The following BRPF1 variants were observed in gnomAD, a reference collection of about 807,000 sequenced individuals.
BRPF1 encodes the protein peregrin.
A neutral mutation model predicts 115.0 loss-of-function variants in BRPF1; 15 were observed. The observed-to-expected ratio is 0.13, with a 90% CI of 0.09 to 0.20. BRPF1 has a LOEUF of 0.20. Among genes scored for constraint, BRPF1 ranks in the 10% least tolerant of loss-of-function variants. The pLI, the probability that BRPF1 is intolerant of heterozygous loss-of-function variation, is 1.00. For synonymous variants in BRPF1, 647 were observed against 619.8 expected, an observed-to-expected ratio of 1.04 and a Z score of -0.65; for missense variants, 1,118 against 1,638.3, an observed-to-expected ratio of 0.68 and a Z score of 5.48.
At chr3:9,746,562 A>C in intron 13 of BRPF1, 108 bp downstream of exon 13, 2 of 1,328,022 alleles carry the variant, frequency 1.5e-6, no homozygotes. Context: ...GGCTATCACA[A>C]GTCAGTGGGG....
At chr3:9,740,062 G>A (rs780187159) in intron 3 of BRPF1, 104 bp downstream of exon 3, 6 of 1,435,048 alleles carry the variant, frequency 4.2e-6, no homozygotes, top group Non-Finnish European at 5.5e-6. Context: ...TATCTTCCCA[G>A]GAGCTGCATA....
chr3:9,734,231 G>A lies in BRPF1; in HGVS notation c.91G>A (p.Val31Ile). The change falls in exon 2 of 14, where the codon GTC (valine) becomes ATC (isoleucine). Residue 31 changes from valine (V) to isoleucine (I), a missense_variant. Physicochemically the swap from Val to Ile is conservative, Grantham distance 29 (BLOSUM62 3). Around this residue, in one of 10 missense-constraint regions of BRPF1, gnomAD observed 280 missense variants for 382.8 expected, o/e 0.73. Transcript: ENST00000383829. This position sits in a 1 kb window ranked among gnomAD's most constrained non-coding sequence, Gnocchi z 5.7. The part of the protein sequence containing the change: ...YECPVETCRK[V>I]YKSYSGIEYH... ...GTGCCCGGTGGAGACCTGCCGAAAG[G>A]TCTACAAGAGTTACAGTGGTATTGA... 1 of 1,613,996 alleles carries A rather than the reference G, an allele frequency of 6.2e-7. No individual in the cohort carries two copies. The highest frequency in any genetic ancestry group is 2.2e-5 in the East Asian group (1 of 44,880).
At chr3:9,736,046 C>CTAT (rs763386677) in intron 2 of BRPF1, among the ~76,000 whole-genome samples, 141,044 of 141,072 alleles carry the variant, frequency 1, 70,508 homozygotes, top group Admixed American at 1. Flanking sequence ...GAGTCTCGCT[C>CTAT]TGTCACCCAG....
Position 9,747,474 on chromosome 3 carries a change from A to C in BRPF1, c.*125A>C, listed in dbSNP as rs531494855. The C allele has an allele frequency of 3.2e-6, 4 of 1,242,136 alleles. No homozygotes were observed. The Admixed American group carries it at 8.8e-5, about 27-fold the overall frequency. 76.9% of individuals were successfully genotyped at this position (1,242,136 alleles called of 1,614,324 possible). On this transcript the variant is annotated 3_prime_UTR_variant, in exon 14 of 14. Coordinates refer to ENST00000383829, the MANE Select transcript of BRPF1 (RefSeq NM_001003694.2). This position sits in a 1 kb window ranked among gnomAD's most constrained non-coding sequence, Gnocchi z 5.6. ...TGGTCTTGGGGCCAGTCTCAGGGGA[A>C]GCTGGGTGGGGGAGGTCCCTCCTGC...
chr3:9,742,182 C>T lies in BRPF1; in HGVS notation c.2001+11C>T, dbSNP rs1575160943. 1 of 1,613,506 alleles carries T rather than the reference C, an allele frequency of 6.2e-7. No individual in the cohort carries two copies. Among genetic ancestry groups the T allele is most frequent in the Non-Finnish European group, 8.5e-7 (1 of 1,179,594 alleles). On this transcript the variant is annotated intron_variant, in intron 6 of 13. Transcript: ENST00000383829. The stretch of plus-strand genomic sequence containing the variant: ...ACCGAATTGGACGAAGTAAGAATCC[C>T]TTCCCCTCACTCCACCTTCTCTCTG...
Position 9,744,371 on chromosome 3 carries a change from G to T in BRPF1, c.2783G>T (p.Ser928Ile). The change falls in exon 9 of 14, where the codon AGC (serine) becomes ATC (isoleucine). Residue 928 changes from serine to isoleucine, a missense_variant. Coordinates refer to ENST00000383829, the MANE Select transcript of BRPF1 (RefSeq NM_001003694.2). ...AACCGGGAGAGCCAGATGACCCCCAGCCACGGAGGCAGTCCTGTGGGGCCC... is the reference window on the plus strand; with the variant it reads ...AACCGGGAGAGCCAGATGACCCCCATCCACGGAGGCAGTCCTGTGGGGCCC... Reference protein sequence around the residue: ...PKNRESQMTPSHGGSPVGPPQ... With the variant: ...PKNRESQMTPIHGGSPVGPPQ... 6.2e-7 allele frequency: 1 copy of T among 1,613,344 alleles called. No individual in the cohort carries two copies. Among genetic ancestry groups the T allele is most frequent in the Non-Finnish European group, 8.5e-7 (1 of 1,179,686 alleles).
At chr3:9,741,553 C>T (rs2077030528) in intron 5 of BRPF1, 114 bp downstream of exon 5, 7 of 1,062,070 alleles carry the variant, frequency 6.6e-6, no homozygotes, top group South Asian at 1.9e-5. Context: ...AGGAGAATGG[C>T]GTGAACCTGG....
intron 5 of BRPF1, 42 bp downstream of exon 5, chr3:9,741,481 CA>C: frequency 1.3e-6 from 2 of 1,509,244 alleles, no homozygotes; most frequent in Non-Finnish European, 8.8e-7. Context: ...AAAGAAAAAA[CA>C]AAAAATTAGC....
chr3:9,742,868 G>A (rs1163973049), intron 6 of BRPF1, 76 bp from the exon 7 acceptor site: 7 of 1,486,128 alleles, frequency 4.7e-6, no homozygotes, highest in African/African-American at 1.4e-5. Flanking sequence ...GTGTTTCAGG[G>A]GGGCTTGTTA....
At chr3:9,732,554 C>T (rs1473145510) in intron 1 of BRPF1, 1 of 152,254 alleles carries the variant, frequency 6.6e-6, no homozygotes, top group Admixed American at 6.6e-5. Context: ...TCGCCTGTGC[C>T]TCTGCTGCCG....
At chr3:9,742,602 C>T in intron 6 of BRPF1, 4 of 950,896 alleles carry the variant, frequency 4.2e-6, no homozygotes, top group African/African-American at 1.8e-5. Flanking sequence ...GTAAAAAGAG[C>T]TGTAGGAATG....
chr3:9,747,158 T>C lies in BRPF1; in HGVS notation c.3480-8T>C, dbSNP rs112132882. On this transcript the variant is annotated splice_polypyrimidine_tract_variant and splice_region_variant and intron_variant, in intron 13 of 13. Transcript: ENST00000383829. The surrounding 1 kb of genome is among the most constrained non-coding windows in gnomAD (Gnocchi z 5.6). ...GATGATTTATTTGATCTTCACCTTA[T>C]CCTATAGGCAGTGGCTGCCCAGGAC... 19 of 1,613,888 alleles carry C rather than the reference T, an allele frequency of 1.2e-5. No individual in the cohort carries two copies. The highest frequency in any genetic ancestry group is 1.6e-5 in the Non-Finnish European group (19 of 1,179,980).
rs779068530 is a variant in BRPF1 at position 9,739,610 on chromosome 3, A to G, written c.1211A>G (p.Asn404Ser). 18 of 1,609,258 alleles carry G rather than the reference A, an allele frequency of 1.1e-5. No homozygotes were observed. The highest frequency in any genetic ancestry group is 8.5e-7 in the Non-Finnish European group (1 of 1,175,982). ...SGACIQCHKANCYTAFHVTCA... is the reference protein window; with the variant it reads ...SGACIQCHKASCYTAFHVTCA... ...GCCTGCATCCAGTGCCACAAGGCCAACTGTTACACAGCTTTCCATGTGACA... is the reference window on the plus strand; with the variant it reads ...GCCTGCATCCAGTGCCACAAGGCCAGCTGTTACACAGCTTTCCATGTGACA... The change falls in exon 3 of 14, where the codon AAC becomes AGC. Residue 404 changes from asparagine (N) to serine (S), a missense_variant. Physicochemically the swap from Asn to Ser is conservative, Grantham distance 46 (BLOSUM62 1). Around this residue, in one of 10 missense-constraint regions of BRPF1, gnomAD observed 64 missense variants for 172.8 expected, o/e 0.37. Transcript: ENST00000383829.
intron 2 of BRPF1, among the ~76,000 whole-genome samples, chr3:9,738,642 C>A (rs1238709339): frequency 6.6e-6 from 1 of 152,230 alleles, no homozygotes; most frequent in African/African-American, 2.4e-5. Flanking sequence ...AGCTGCCCCA[C>A]CTTCCTCCTT....
chr3:9,745,107 C>CT lies in BRPF1; in HGVS notation c.3021dup (p.Glu1008Ter). 6.2e-7 allele frequency: 1 copy of CT among 1,614,256 alleles called. No homozygotes were observed. The highest frequency in any genetic ancestry group is 8.5e-7 in the Non-Finnish European group (1 of 1,180,054). On this transcript the variant is annotated frameshift_variant, in exon 10 of 14. Transcript: ENST00000383829. LOFTEE classifies it high-confidence loss of function. This position sits in a 1 kb window ranked among gnomAD's most constrained non-coding sequence, Gnocchi z 5.1. The stretch of plus-strand genomic sequence containing the variant: ...AGCCTTCCCCGGAGCAGCTCAGACT[C>CT]TGAGTCCAGCAGCAGTAGCAGTAGC...
At chr3:9,744,549 A>G (rs374176771) in intron 9 of BRPF1, 41 bp downstream of exon 9, 111 of 1,410,250 alleles carry the variant, frequency 7.9e-5, no homozygotes, top group Non-Finnish European at 9.9e-5. Context: ...AGAGTGAGCA[A>G]AGCTGCCATT....
intron 2 of BRPF1, among the ~76,000 whole-genome samples, chr3:9,735,399 C>G (rs1187507528): frequency 6.6e-6 from 1 of 152,202 alleles, no homozygotes; most frequent in Non-Finnish European, 1.5e-5. Context: ...ACTGTTTCCA[C>G]TGTGGCAAAA....
intron 2 of BRPF1, among the ~76,000 whole-genome samples, chr3:9,736,248 C>T (rs2125494930): frequency 6.6e-6 from 1 of 152,186 alleles, no homozygotes; most frequent in South Asian, 2.1e-4. Flanking sequence ...CCTCATGATC[C>T]ACCCGCCTCA....
chr3:9,734,347 C>G lies in BRPF1; in HGVS notation c.207C>G (p.Arg69=), dbSNP rs1357381712. 6.2e-7 allele frequency: 1 copy of G among 1,613,984 alleles called. No homozygotes were observed. The highest frequency in any genetic ancestry group is 1.1e-5 in the South Asian group (1 of 91,088). ...ACAAGAAAAAGGGGCGCCAGTCACG[C>G]CCAGCCAACAAGCAGTCACCCAGCC... ...RKHKKKGRQS[R]PANKQSPSPS... The change falls in exon 2 of 14, where the codon CGC becomes CGG. Residue 69 remains arginine (R), a synonymous_variant. Coordinates refer to ENST00000383829, the MANE Select transcript of BRPF1 (RefSeq NM_001003694.2). This position sits in a 1 kb window ranked among gnomAD's most constrained non-coding sequence, Gnocchi z 5.7.
Sources: gnomAD v4.1 joint callset for allele counts (sites outside exome capture counted in the v4.1 genomes callset) on GRCh38, gnomAD v4.1.1 for gene constraint, gnomAD v4.1.1 regional missense constraint, Gnocchi (gnomAD v3.1) non-coding constraint, MANE v1.5 for transcripts, NCBI Gene and HGNC (gene_info 2026-07-23, HGNC 2026-07-21) for gene names.